Variants in SLAMF6 observed in about 807,000 individuals in gnomAD.
SLAMF6 encodes the protein SLAM family member 6, also known as NK-T-B-antigen.
SLAMF6 carries 21 observed loss-of-function variants against 38.3 expected under a neutral mutation model. The observed-to-expected ratio is 0.55, with a 90% confidence interval of 0.39 to 0.79. The LOEUF (loss-of-function observed/expected upper bound fraction) is 0.79, where lower values mean the gene tolerates loss of function less well. SLAMF6 is among the 30% of genes least tolerant of loss of function. The pLI, the probability that SLAMF6 is intolerant of heterozygous loss-of-function variation, is 0.00. For synonymous variants in SLAMF6, 152 were observed against 146.3 expected (o/e 1.04, Z -0.28); for missense variants, 341 against 385.3 (o/e 0.89, Z 0.96).
intron 1 of SLAMF6, among the ~76,000 whole-genome samples, chr1:160,511,601 G>C (rs1161889888): frequency 6.6e-6 from 1 of 152,092 alleles, no homozygotes; most frequent in African/African-American, 2.4e-5. Context: ...AAATATAAGA[G>C]CTAAAACTCT....
At chr1:160,512,946 G>T (rs1654564547) in intron 1 of SLAMF6, among the ~76,000 whole-genome samples, 1 of 152,178 alleles carries the variant, frequency 6.6e-6, no homozygotes, top group African/African-American at 2.4e-5. Context: ...AAAAGCCAGA[G>T]TGTCTCTTCT....
intron 1 of SLAMF6, among the ~76,000 whole-genome samples, chr1:160,501,175 A>G (rs1418575391): frequency 6.6e-6 from 1 of 152,184 alleles, no homozygotes; most frequent in Non-Finnish European, 1.5e-5. Context: ...AACCTTAGGA[A>G]CCATGGCATA....
intron 1 of SLAMF6, among the ~76,000 whole-genome samples, chr1:160,512,787 C>T (rs1320395561): frequency 1.3e-5 from 2 of 151,970 alleles, no homozygotes; most frequent in African/African-American, 4.8e-5. Flanking sequence ...GTCCTGTCTG[C>T]TAAAAGAAAA....
intron 1 of SLAMF6, among the ~76,000 whole-genome samples, chr1:160,514,207 G>A (rs1456856913): frequency 2.6e-5 from 4 of 151,846 alleles, no homozygotes; most frequent in African/African-American, 9.7e-5. Flanking sequence ...AAAAAAGCAG[G>A]GATTGCAATC....
intron 2 of SLAMF6, among the ~76,000 whole-genome samples, chr1:160,495,309 G>A (rs1653515930): frequency 6.6e-6 from 1 of 152,122 alleles, no homozygotes; most frequent in Non-Finnish European, 1.5e-5. Flanking sequence ...GCCATTAATG[G>A]CATCTCTGAA....
chr1:160,489,066 A>G (rs1319261175), intron 6 of SLAMF6, 22 bp downstream of exon 6: 2 of 1,588,294 alleles, frequency 1.3e-6, no homozygotes, highest in Non-Finnish European at 8.6e-7. Flanking sequence ...CAACAATGGC[A>G]TATAAAGCTG....
intron 1 of SLAMF6, among the ~76,000 whole-genome samples, chr1:160,497,135 G>T (rs1324877389): frequency 6.6e-6 from 1 of 152,052 alleles, no homozygotes; most frequent in Non-Finnish European, 1.5e-5. Context: ...AAAGATTATA[G>T]TTTAGTTATT....
At chr1:160,487,253 G>T in intron 6 of SLAMF6, 78 bp from the exon 7 acceptor site, 1 of 1,305,016 alleles carries the variant, frequency 7.7e-7, no homozygotes, top group Non-Finnish European at 1.1e-6. Context: ...AGGAAAGACT[G>T]TGTGACAAAA....
In SLAMF6 at chr1:160,490,610, A is replaced by G. The variant is rs1447705901; in HGVS notation, c.722T>C (p.Ile241Thr). The G allele has an allele frequency of 1.9e-6, 3 of 1,613,882 alleles. No homozygotes were observed. The highest frequency in any genetic ancestry group is 1.3e-5 in the African/African-American group (1 of 74,926). ...CCTCAAAACAAGTAACAGCAGTATG[A>G]TGAAACCGAAGACTATGCATATCCC... ...VSGICIVFGF[I>T]ILLLLVLRKR... The change falls in exon 4 of 8, where the codon ATC becomes ACC. Residue 241 changes from isoleucine to threonine, a missense_variant. Transcript: ENST00000368057.
intron 7 of SLAMF6, 132 bp downstream of exon 7, chr1:160,486,972 C>T: frequency 1.0e-6 from 1 of 959,388 alleles, no homozygotes; most frequent in Non-Finnish European, 1.6e-6. Context: ...TTGGTGATGT[C>T]CTGAGACTTT....
intron 1 of SLAMF6, among the ~76,000 whole-genome samples, chr1:160,501,883 A>T (rs996010403): frequency 6.6e-6 from 1 of 152,110 alleles, no homozygotes; most frequent in Admixed American, 6.6e-5. Context: ...AAGCAAAGGG[A>T]GAAGGAGCAC....
At chr1:160,497,792 T>A (rs1472706789) in intron 1 of SLAMF6, among the ~76,000 whole-genome samples, 2 of 152,198 alleles carry the variant, frequency 1.3e-5, no homozygotes, top group Non-Finnish European at 2.9e-5. Flanking sequence ...CCACCCGTGT[T>A]ACTGCAAAAG....
chr1:160,506,568 A>G (rs1654198559), intron 1 of SLAMF6, among the ~76,000 whole-genome samples: 1 of 152,222 alleles, frequency 6.6e-6, no homozygotes, highest in Non-Finnish European at 1.5e-5. Flanking sequence ...AAGTAACTCA[A>G]ATCCCTACCA....
intron 5 of SLAMF6, 63 bp downstream of exon 5, chr1:160,490,135 C>G: frequency 7.0e-6 from 11 of 1,568,782 alleles, no homozygotes; most frequent in Non-Finnish European, 9.7e-6. Context: ...CCATCCCCCT[C>G]TCTCTTCCAT....
At position 160,490,570 on chromosome 1, in the gene SLAMF6, C is replaced by T; in HGVS notation, c.757+5G>A. On this transcript the variant is annotated splice_donor_5th_base_variant and intron_variant, in intron 4 of 7. Coordinates refer to ENST00000368057, the MANE Select transcript of SLAMF6 (RefSeq NM_001184714.2). ...AAGAGACAAGTAGGAAGAAAGGAAA[C>T]CTGCCTCTTCTTTTCCTCAAAACAA... 1 of 1,611,158 alleles carries T rather than the reference C, an allele frequency of 6.2e-7. No homozygotes were observed. Among genetic ancestry groups the T allele is most frequent in the South Asian group, 1.1e-5 (1 of 90,278 alleles).
At chr1:160,510,464 A>G (rs1654414658) in intron 1 of SLAMF6, among the ~76,000 whole-genome samples, 1 of 152,312 alleles carries the variant, frequency 6.6e-6, no homozygotes, top group South Asian at 2.1e-4. Flanking sequence ...GCAGTATATG[A>G]TATTAACAGA....
chr1:160,508,725 C>T (rs1004378408), intron 1 of SLAMF6, among the ~76,000 whole-genome samples: 1 of 152,050 alleles, frequency 6.6e-6, no homozygotes, highest in Non-Finnish European at 1.5e-5. Flanking sequence ...AACAGACAAC[C>T]TACATAATGG....
rs1206177019 is a variant in SLAMF6, at chr1:160,486,283, C to A, written c.*424G>T. ...TGCTCAACTTGTATCAGGATGGGCC[C>A]ATCCAACTCCAGAGACTACACATGT... On this transcript the variant is annotated 3_prime_UTR_variant, in exon 8 of 8. Transcript: ENST00000368057. 2 of 158,188 alleles carry A rather than the reference C, an allele frequency of 1.3e-5. No homozygotes were observed. The highest frequency in any genetic ancestry group is 4.8e-5 in the African/African-American group (2 of 41,522). The allele number at this position is 158,188 out of a possible 1,614,324, so 9.8% of individuals were successfully genotyped here. A position where few individuals can be genotyped will look rare whatever the true frequency, so the allele number is the denominator to read the frequency against.
chr1:160,500,836 AG>A (rs1270408051), intron 1 of SLAMF6, among the ~76,000 whole-genome samples: 4 of 152,112 alleles, frequency 2.6e-5, no homozygotes, highest in Non-Finnish European at 5.9e-5. Flanking sequence ...TCCTTTTGGT[AG>A]GGAGTCTGGG....
Sources: allele counts gnomAD v4.1 joint callset (sites outside exome capture counted in the v4.1 genomes callset), GRCh38; gene constraint gnomAD v4.1.1; transcripts MANE v1.5; gene names NCBI Gene and HGNC (gene_info 2026-07-23, HGNC 2026-07-21).